The following NSL1 variants were observed in gnomAD, a reference collection of about 807,000 sequenced individuals.
The protein encoded by NSL1 is kinetochore-associated protein NSL1 homolog.
NSL1 carries 11 observed loss-of-function variants against 25.4 expected under a neutral mutation model. The ratio of observed to expected loss-of-function variants is 0.43; its 90% confidence interval spans 0.27 to 0.72. NSL1 has a LOEUF of 0.72. NSL1 is among the 30% of genes least tolerant of loss of function. The pLI, the probability that NSL1 is intolerant of heterozygous loss-of-function variation, is 0.19. For synonymous variants in NSL1, 118 were observed against 120.6 expected, an observed-to-expected ratio of 0.98 and a Z score of 0.14; for missense variants, 330 against 342.7, an observed-to-expected ratio of 0.96 and a Z score of 0.29.
intron 4 of NSL1, among the ~76,000 whole-genome samples, chr1:212,764,843 C>CAAAAAAAAAAAAAA (rs3086471): frequency 2.8e-4 from 11 of 38,882 alleles, no homozygotes; most frequent in Admixed American, 1.1e-3. Flanking sequence ...AAGACTGTCT[C>CAAAAAAAAAAAAAA]AAAAAAAAAA....
chr1:212,729,851 G>T lies in NSL1; in HGVS notation c.*8557C>A. On this transcript the variant is annotated 3_prime_UTR_variant, in exon 6 of 6. Transcript: ENST00000366977. Reference sequence around the variant, plus strand: ...GTGCTGCAAAGGGCAGTGATGTGTGGACGAAGGGGTTGCTGGGGTGACCCA... The same window carrying T: ...GTGCTGCAAAGGGCAGTGATGTGTGTACGAAGGGGTTGCTGGGGTGACCCA... 1.0e-6 allele frequency: 1 copy of T among 985,388 alleles called. No individual in the cohort carries two copies. The highest frequency in any genetic ancestry group is 1.2e-6 in the Non-Finnish European group (1 of 829,922). 61.0% of individuals were successfully genotyped at this position (985,388 alleles called of 1,614,324 possible). A position where few individuals can be genotyped will look rare whatever the true frequency, so the allele number is the denominator to read the frequency against.
At position 212,791,731 on chromosome 1, in the gene NSL1, G is replaced by T. The variant is rs763796648; in HGVS notation, c.33C>A (p.Asp11Glu). Reference protein sequence around the residue: MAGSPELVVLDPPWDKELAAG... With the variant: MAGSPELVVLEPPWDKELAAG... The stretch of plus-strand genomic sequence containing the variant: ...CCGCGAGCTCCTTGTCCCATGGAGG[G>T]TCAAGGACCACCAACTCAGGAGACC... The change falls in exon 1 of 6, where the codon GAC (aspartate) becomes GAA (glutamate). Residue 11 changes from aspartate (D) to glutamate (E), a missense_variant. Transcript: ENST00000366977. 5 of 1,612,698 alleles carry T rather than the reference G, an allele frequency of 3.1e-6. No individual in the cohort carries two copies. The highest frequency in any genetic ancestry group is 3.3e-5 in the Admixed American group (2 of 59,840).
chr1:212,742,511 A>C (rs529422486), intron 4 of NSL1, among the ~76,000 whole-genome samples: 1 of 152,322 alleles, frequency 6.6e-6, no homozygotes, highest in East Asian at 1.9e-4. Flanking sequence ...TAGTGTCAAA[A>C]TTATCCCCTA....
intron 2 of NSL1, among the ~76,000 whole-genome samples, 154 bp downstream of exon 2, chr1:212,787,405 T>C (rs534484722): frequency 1.3e-5 from 2 of 152,224 alleles, no homozygotes; most frequent in African/African-American, 2.4e-5. Flanking sequence ...AAGAAGACTA[T>C]TGAAGTCATA....
In NSL1 at chr1:212,734,730, A is replaced by G. The variant is rs369020996; in HGVS notation, c.*3678T>C. 9.2e-5 allele frequency among the ~76,000 whole-genome samples: 14 copies of G among 152,238 alleles called. No individual in the cohort carries two copies. Among genetic ancestry groups the G allele is most frequent in the African/African-American group, 3.1e-4 (13 of 41,538 alleles). On this transcript the variant is annotated 3_prime_UTR_variant, in exon 6 of 6. Coordinates refer to ENST00000366977, the MANE Select transcript of NSL1 (RefSeq NM_015471.4). Reference sequence around the variant, plus strand: ...TTATTCCTGTATTCCTTCCCTGATTATTTGCCTAAAACATTCAAGACTGCT... The same window carrying G: ...TTATTCCTGTATTCCTTCCCTGATTGTTTGCCTAAAACATTCAAGACTGCT...
chr1:212,747,764 A>G (rs377706649), intron 4 of NSL1, among the ~76,000 whole-genome samples: 7 of 152,010 alleles, frequency 4.6e-5, no homozygotes, highest in Admixed American at 4.6e-4. Flanking sequence ...AGTGAGATTT[A>G]TTTTCTTTTT....
In NSL1 at chr1:212,760,252, A is replaced by G. The variant is rs1659502738; in HGVS notation, c.500-20651T>C. Among the ~76,000 whole-genome samples the G allele has an allele frequency of 1.3e-5, 2 of 151,788 alleles. No homozygotes were observed. The highest frequency in any genetic ancestry group is 4.8e-5 in the African/African-American group (2 of 41,296). On this transcript the variant is annotated intron_variant, in intron 4 of 5. Transcript: ENST00000366977. This position sits in a 1 kb window ranked among gnomAD's most constrained non-coding sequence, Gnocchi z 4.3. Reference sequence around the variant, plus strand: ...AAGGGATAGCCCTGCCCTGCCCACCACAACTTTAGGCACACCATCAGGAGG... The same window carrying G: ...AAGGGATAGCCCTGCCCTGCCCACCGCAACTTTAGGCACACCATCAGGAGG...
In NSL1 at chr1:212,730,093, T is replaced by C; in HGVS notation, c.*8315A>G. The C allele has an allele frequency of 1.2e-6, 1 of 827,382 alleles. No homozygotes were observed. The highest frequency in any genetic ancestry group is 5.5e-5 in the South Asian group (1 of 18,130). 51.3% of individuals were successfully genotyped at this position (827,382 alleles called of 1,614,324 possible). ...TGGCAAAACCTCATCTCTATAAAAA[T>C]GCAAATATTAGCCCAGCATGGTAGC... On this transcript the variant is annotated 3_prime_UTR_variant, in exon 6 of 6. Coordinates refer to ENST00000366977, the MANE Select transcript of NSL1 (RefSeq NM_015471.4).
rs1571871213 is a variant in NSL1, at chr1:212,745,566, A to G, written c.500-5965T>C. Among the ~76,000 whole-genome samples the G allele has an allele frequency of 2.6e-5, 4 of 152,184 alleles. No homozygotes were observed. In the South Asian group the frequency reaches 8.3e-4, roughly 32 times the overall value. ...ATAGAGCACTGGGAGGATATGGTTA[A>G]AGTGCTGAAAGACTTCTAAAAAAAT... is the stretch of plus-strand genomic sequence containing the variant. On this transcript the variant is annotated intron_variant, in intron 4 of 5. Coordinates refer to ENST00000366977, the MANE Select transcript of NSL1 (RefSeq NM_015471.4).
At position 212,738,491 on chromosome 1, in the gene NSL1, C is replaced by A; in HGVS notation, c.763G>T (p.Val255Leu). Residue 255 changes from valine to leucine, a missense_variant, in exon 6 of 6, where the codon GTA becomes TTA. Coordinates refer to ENST00000366977, the MANE Select transcript of NSL1 (RefSeq NM_015471.4). Reference sequence around the variant, plus strand: ...TCTTTAGTTTGCTTTCTTTTCAGTACCATGTCAGAGGTTTTCCTGGAAGCA... The same window carrying A: ...TCTTTAGTTTGCTTTCTTTTCAGTAACATGTCAGAGGTTTTCCTGGAAGCA... The part of the protein sequence containing the change: ...ETASRKTSDM[V>L]LKRKQTKDCP... The A allele has an allele frequency of 1.2e-6, 2 of 1,614,030 alleles. No individual in the cohort carries two copies. Among genetic ancestry groups the A allele is most frequent in the Non-Finnish European group, 1.7e-6 (2 of 1,179,978 alleles).
chr1:212,765,705 C>G (rs938128627), intron 4 of NSL1, among the ~76,000 whole-genome samples: 1 of 152,034 alleles, frequency 6.6e-6, no homozygotes, highest in African/African-American at 2.4e-5. Flanking sequence ...ACTCAGAAGG[C>G]TGAGGCAGGA....
At position 212,727,103 on chromosome 1, in the gene NSL1, G is replaced by A. The variant is rs1657820892; in HGVS notation, c.*11305C>T. ...TCCTCTTCATCTTGCCAGTTCACCA[G>A]AGGCAGAAGGGATGAAGGTTCCCCG... On this transcript the variant is annotated 3_prime_UTR_variant, in exon 6 of 6. Transcript: ENST00000366977. 1.3e-6 allele frequency: 2 copies of A among 1,556,388 alleles called. No individual in the cohort carries two copies. Among genetic ancestry groups the A allele is most frequent in the African/African-American group, 1.4e-5 (1 of 72,938 alleles).
In NSL1 at chr1:212,732,460, G is replaced by A. The variant is rs1658063690; in HGVS notation, c.*5948C>T. 2 of 357,512 alleles carry A rather than the reference G, an allele frequency of 5.6e-6. No homozygotes were observed. Among genetic ancestry groups the A allele is most frequent in the Non-Finnish European group, 7.8e-6 (2 of 256,324 alleles). 22.1% of individuals were successfully genotyped at this position (357,512 alleles called of 1,614,324 possible). A position where few individuals can be genotyped will look rare whatever the true frequency, so the allele number is the denominator to read the frequency against. On this transcript the variant is annotated 3_prime_UTR_variant, in exon 6 of 6. Transcript: ENST00000366977. ...CCTGAGTAGCTGGGATTACAGGCAT[G>A]CGCCACCACGCCCAGCTAATTTTGT... is the stretch of plus-strand genomic sequence containing the variant.
chr1:212,770,567 G>T (rs1660055971), intron 4 of NSL1, among the ~76,000 whole-genome samples: 1 of 151,952 alleles, frequency 6.6e-6, no homozygotes, highest in Non-Finnish European at 1.5e-5. Flanking sequence ...GCTCCCAAAA[G>T]AGAAAAGCTG....
At position 212,730,943 on chromosome 1, in the gene NSL1, C is replaced by A; in HGVS notation, c.*7465G>T. The A allele has an allele frequency of 1.0e-6, 1 of 985,374 alleles. No individual in the cohort carries two copies. The highest frequency in any genetic ancestry group is 1.2e-6 in the Non-Finnish European group (1 of 829,910). 61.0% of individuals were successfully genotyped at this position (985,374 alleles called of 1,614,324 possible). ...ACAAGTTAGAAATTTGCAATATGAA[C>A]TCATTCATTCAACGAATATTAGTTT... On this transcript the variant is annotated 3_prime_UTR_variant, in exon 6 of 6. Coordinates refer to ENST00000366977, the MANE Select transcript of NSL1 (RefSeq NM_015471.4).
rs1268182112 is a variant in NSL1, at chr1:212,735,669, G to A, written c.*2739C>T. ...TAAGGAAATAATTAAGGTTAAATGA[G>A]GCCATAAGGGTGGGGCTCTGATCTG... On this transcript the variant is annotated 3_prime_UTR_variant, in exon 6 of 6. Coordinates refer to ENST00000366977, the MANE Select transcript of NSL1 (RefSeq NM_015471.4). 1 of 379,674 alleles carries A rather than the reference G, an allele frequency of 2.6e-6. No individual in the cohort carries two copies. The highest frequency in any genetic ancestry group is 3.6e-6 in the Non-Finnish European group (1 of 276,672). The allele number at this position is 379,674 out of a possible 1,614,324, so 23.5% of individuals were successfully genotyped here.
Position 212,728,133 on chromosome 1 carries a change from G to C in NSL1, c.*10275C>G. 2.1e-6 allele frequency: 2 copies of C among 959,524 alleles called. No individual in the cohort carries two copies. Among genetic ancestry groups the C allele is most frequent in the Non-Finnish European group, 2.5e-6 (2 of 806,398 alleles). 59.4% of individuals were successfully genotyped at this position (959,524 alleles called of 1,614,324 possible). Reference sequence around the variant, plus strand: ...GCGTGGTAATAGCCCTTAATTCATGGATTGTCTTGAGGATTAAAAGAGATG... The same window carrying C: ...GCGTGGTAATAGCCCTTAATTCATGCATTGTCTTGAGGATTAAAAGAGATG... On this transcript the variant is annotated 3_prime_UTR_variant, in exon 6 of 6. Coordinates refer to ENST00000366977, the MANE Select transcript of NSL1 (RefSeq NM_015471.4).
rs1385354360 is a variant in NSL1 at position 212,735,020 on chromosome 1, T to A, written c.*3388A>T. Among the ~76,000 whole-genome samples the A allele has an allele frequency of 6.6e-6, 1 of 152,242 alleles. No homozygotes were observed. Among genetic ancestry groups the A allele is most frequent in the Non-Finnish European group, 1.5e-5 (1 of 68,038 alleles). ...TTATGAACTCATTTACTTCTCAGAA[T>A]AACGCTATGAGGTAGGCATAATTAT... On this transcript the variant is annotated 3_prime_UTR_variant, in exon 6 of 6. Transcript: ENST00000366977.
chr1:212,763,110 G>A (rs1207221245), intron 4 of NSL1, among the ~76,000 whole-genome samples: 3 of 152,170 alleles, frequency 2.0e-5, no homozygotes, highest in Non-Finnish European at 2.9e-5. Context: ...TCCAGTAAGC[G>A]AAGCACTGTG....
Sources: gnomAD v4.1 joint callset for allele counts (sites outside exome capture counted in the v4.1 genomes callset) on GRCh38, gnomAD v4.1.1 for gene constraint, Gnocchi (gnomAD v3.1) non-coding constraint, MANE v1.5 for transcripts, NCBI Gene and HGNC (gene_info 2026-07-23, HGNC 2026-07-21) for gene names.